RBPJ: variants seen among roughly 807,000 people sequenced by gnomAD.
RBPJ encodes recombining binding protein suppressor of hairless.
In RBPJ, 9 loss-of-function variants were observed where a neutral mutation model predicts 67.8. The observed-to-expected ratio is 0.13, with a 90% CI of 0.08 to 0.23. The LOEUF is 0.23. Among genes scored for constraint, RBPJ ranks in the 10% least tolerant of loss-of-function variants. The probability of loss-of-function intolerance (pLI) is 1.00; values close to 1 mark genes in which losing one functional copy is unlikely to be tolerated. For missense variants in RBPJ, 305 were observed against 595.6 expected (o/e 0.51, Z 5.08); for synonymous variants, 198 against 203.3 (o/e 0.97, Z 0.22).
intron 1 of RBPJ, among the ~76,000 whole-genome samples, chr4:26,260,874 A>C (rs1212063312): frequency 6.6e-6 from 1 of 152,082 alleles, no homozygotes; most frequent in Non-Finnish European, 1.5e-5. Context: ...CTCTGAACTC[A>C]CCATCATTCA....
chr4:26,270,417 GAAAGAAAGAAAGAAAGAAAGAAGAAAGA>G (rs1720866323), intron 1 of RBPJ, among the ~76,000 whole-genome samples: 1 of 54,562 alleles, frequency 1.8e-5, no homozygotes, highest in African/African-American at 4.7e-5. Context: ...AAGAAAGAAA[GAAAGAAAGAAAGAAAGAAAGAAGAAAGA>G]AAGAAAGAAA....
At chr4:26,138,479 G>T in the RBPJ span, among the ~76,000 whole-genome samples, 1 of 152,142 alleles carries the variant, frequency 6.6e-6, no homozygotes, top group Non-Finnish European at 1.5e-5. Context: ...CAACAGAAGA[G>T]CCTCAGAGAT....
At chr4:26,116,042 C>A in the RBPJ span, among the ~76,000 whole-genome samples, 25 of 152,176 alleles carry the variant, frequency 1.6e-4, no homozygotes, top group Non-Finnish European at 3.5e-4. Flanking sequence ...CCAAAGTTAG[C>A]ATTTAGTTCA....
upstream of RBPJ, among the ~76,000 whole-genome samples, chr4:26,161,801 A>G (rs1171499637): frequency 6.6e-6 from 1 of 152,174 alleles, no homozygotes; most frequent in African/African-American, 2.4e-5. Flanking sequence ...TTCAGCACAG[A>G]CGTCCTGTGG....
chr4:26,279,785 C>CTTTT (rs1026614295), intron 1 of RBPJ, among the ~76,000 whole-genome samples: 4 of 116,688 alleles, frequency 3.4e-5, no homozygotes, highest in Non-Finnish European at 7.0e-5. Flanking sequence ...TTGAAATTGT[C>CTTTT]TTTTTTTTTT....
intron 1 of RBPJ, among the ~76,000 whole-genome samples, chr4:26,287,128 G>C (rs1016585014): frequency 1.3e-5 from 2 of 152,086 alleles, no homozygotes; most frequent in African/African-American, 4.8e-5. Context: ...AGGTGAAAAA[G>C]ACAAAGGAAA....
chr4:26,175,377 TG>T (rs372755236), intron 1 of RBPJ, among the ~76,000 whole-genome samples: 57 of 144,576 alleles, frequency 3.9e-4, no homozygotes, highest in East Asian at 4.0e-4. Context: ...GAGCTTGAGC[TG>T]GGGGGGGGAT....
At position 26,265,974 on chromosome 4, in the gene RBPJ, T is replaced by C. The variant is rs183988541; in HGVS notation, c.-166-96472T>C. On this transcript the variant is annotated intron_variant, in intron 1 of 4. Coordinates refer to the RBPJ transcript ENST00000512351. ...CTGCCTAAAACTGGGAGGCAGAGGT[T>C]GCTTCACGATCGCACTACTTCACTC... is the stretch of plus-strand genomic sequence containing the variant. Among the ~76,000 whole-genome samples the C allele has an allele frequency of 1.9e-4, 29 of 152,168 alleles. No individual in the cohort carries two copies. The East Asian group carries it at 5.2e-3, about 27-fold the overall frequency.
At chr4:26,322,855 A>C (rs1308995824) in intron 1 of RBPJ, 1 of 151,754 alleles carries the variant, frequency 6.6e-6, no homozygotes, top group Admixed American at 6.6e-5. Context: ...TCTGGGTGCT[A>C]GGAATAAGAG....
chr4:26,168,611 T>C (rs1426416237), intron 1 of RBPJ, among the ~76,000 whole-genome samples: 1 of 152,234 alleles, frequency 6.6e-6, no homozygotes, highest in Non-Finnish European at 1.5e-5. Context: ...TGAATCTGAA[T>C]GTTGGCCTGC....
At chr4:26,411,886 T>A (rs569432938) in intron 3 of RBPJ, among the ~76,000 whole-genome samples, 7 of 151,170 alleles carry the variant, frequency 4.6e-5, no homozygotes, top group Non-Finnish European at 1.0e-4. Context: ...GGCGGGCGGA[T>A]CACGAGGTCA....
the RBPJ span, among the ~76,000 whole-genome samples, chr4:26,137,784 C>T: frequency 8.5e-5 from 13 of 152,204 alleles, no homozygotes; most frequent in Non-Finnish European, 1.6e-4. Context: ...CTGCCTCCCT[C>T]CATCTGTCAA....
At chr4:26,257,022 A>C (rs1010260833) in intron 1 of RBPJ, among the ~76,000 whole-genome samples, 3 of 152,336 alleles carry the variant, frequency 2.0e-5, no homozygotes, top group Middle Eastern at 6.8e-3. Context: ...ACTGGAATAC[A>C]AAACGATCAG....
chr4:26,401,327 A>G (rs181128203), intron 2 of RBPJ, among the ~76,000 whole-genome samples: 1 of 152,340 alleles, frequency 6.6e-6, no homozygotes, highest in Admixed American at 6.5e-5. Flanking sequence ...TTGTCCTCAC[A>G]AGCTAGGCTA....
chr4:26,238,604 C>G (rs1273785635), intron 1 of RBPJ, among the ~76,000 whole-genome samples: 1 of 152,168 alleles, frequency 6.6e-6, no homozygotes, highest in African/African-American at 2.4e-5. Context: ...CAGCCTGACT[C>G]AGTGTGTGTG....
chr4:26,274,739 C>T (rs1721022754), intron 1 of RBPJ, among the ~76,000 whole-genome samples: 1 of 152,150 alleles, frequency 6.6e-6, no homozygotes, highest in Non-Finnish European at 1.5e-5. Flanking sequence ...AGTTCAAGAC[C>T]AGCCTGCTCA....
At chr4:26,322,748 G>C (rs1723219932) in intron 1 of RBPJ, 1 of 151,722 alleles carries the variant, frequency 6.6e-6, no homozygotes, top group Non-Finnish European at 1.5e-5. Flanking sequence ...CCCTTGAAGT[G>C]TTTCGAGTTC....
At chr4:26,146,691 C>G in the RBPJ span, among the ~76,000 whole-genome samples, 4 of 152,148 alleles carry the variant, frequency 2.6e-5, no homozygotes, top group Non-Finnish European at 4.4e-5. Flanking sequence ...CCATAATAAA[C>G]ATTAACACAT....
chr4:26,133,024 C>G, the RBPJ span, among the ~76,000 whole-genome samples: 2 of 152,226 alleles, frequency 1.3e-5, no homozygotes, highest in Non-Finnish European at 2.9e-5. Context: ...CTTTCCCAAA[C>G]CAGGTCACAC....
Sources: allele counts gnomAD v4.1 joint callset (sites outside exome capture counted in the v4.1 genomes callset), GRCh38; gene constraint gnomAD v4.1.1; transcripts MANE v1.5; gene names NCBI Gene and HGNC (gene_info 2026-07-23, HGNC 2026-07-21).